Variants in NFYC observed in about 807,000 individuals in gnomAD.
NFYC encodes CAAT box DNA-binding protein subunit C.
A neutral mutation model predicts 53.1 loss-of-function variants in NFYC; 25 were observed. That is an observed-to-expected ratio of 0.47 (90% CI 0.34 to 0.66). The LOEUF is 0.66. Among genes scored for constraint, NFYC ranks in the 30% least tolerant of loss-of-function variants. The pLI is 0.01. For synonymous variants in NFYC, 145 were observed against 152.6 expected (o/e 0.95, Z 0.37); for missense variants, 260 against 422.7 (o/e 0.62, Z 3.38).
At chr1:40,742,305 G>T (rs1645393211) in intron 2 of NFYC, among the ~76,000 whole-genome samples, 1 of 151,810 alleles carries the variant, frequency 6.6e-6, no homozygotes, top group Non-Finnish European at 1.5e-5. Flanking sequence ...CATTTGGGTT[G>T]GTTTCACCTC....
In NFYC at chr1:40,756,704, G is replaced by C. The variant is rs113620251; in HGVS notation, c.388-1417G>C. Among the ~76,000 whole-genome samples, 10 of 152,294 alleles carry C rather than the reference G, an allele frequency of 6.6e-5. 1 individual carries two copies. Among genetic ancestry groups the C allele is most frequent in the African/African-American group, 2.4e-4 (10 of 41,564 alleles). ...TTTTTCTATTGGTAACAGCTGTTGG[G>C]TTTAAGAGAATTTGTCATATCAGCA... On this transcript the variant is annotated intron_variant, in intron 5 of 9. Coordinates refer to ENST00000447388, the MANE Select transcript of NFYC (RefSeq NM_014223.5).
chr1:40,758,854 C>T (rs1173185765), intron 6 of NFYC, among the ~76,000 whole-genome samples: 1 of 152,202 alleles, frequency 6.6e-6, no homozygotes, highest in Non-Finnish European at 1.5e-5. Flanking sequence ...CTGCAGAGAA[C>T]TCTGTACTAT....
chr1:40,746,303 A>G (rs1336103196), intron 2 of NFYC, among the ~76,000 whole-genome samples: 1 of 152,246 alleles, frequency 6.6e-6, no homozygotes, highest in East Asian at 1.9e-4. Context: ...TTGGGTTTGC[A>G]TGGAAAAATT....
rs370239270 is a variant in NFYC, at chr1:40,722,536, A to G, written c.-8-16300A>G. Among the ~76,000 whole-genome samples, 4 of 152,344 alleles carry G rather than the reference A, an allele frequency of 2.6e-5. No individual in the cohort carries two copies. The East Asian group carries it at 5.8e-4, about 22-fold the overall frequency. ...AGTTGGTCTTTAGGCTCGGTACTGT[A>G]TCTGGGACTCTTCAGACCAGTAGTT... On this transcript the variant is annotated intron_variant, in intron 1 of 9. Transcript: ENST00000447388.
chr1:40,737,813 G>A (rs1454403446), intron 1 of NFYC, among the ~76,000 whole-genome samples: 4 of 151,972 alleles, frequency 2.6e-5, no homozygotes, highest in African/African-American at 9.7e-5. Context: ...ATTTGTCTGA[G>A]ATTAGAAGGA....
intron 1 of NFYC, among the ~76,000 whole-genome samples, chr1:40,720,727 G>A (rs1398748213): frequency 1.3e-5 from 2 of 152,110 alleles, no homozygotes; most frequent in Non-Finnish European, 2.9e-5. Flanking sequence ...AATTAGCCAG[G>A]TATGGTGGCA....
At position 40,770,639 on chromosome 1, in the gene NFYC, C is replaced by T. The variant is rs201847603; in HGVS notation, c.889-70C>T. 74 of 1,614,108 alleles carry T rather than the reference C, an allele frequency of 4.6e-5. 1 individual carries two copies. The Admixed American group carries it at 9.0e-4, about 20-fold the overall frequency. On this transcript the variant is annotated intron_variant, in intron 9 of 9. Transcript: ENST00000447388. This position sits in a 1 kb window ranked among gnomAD's most constrained non-coding sequence, Gnocchi z 5.3. ...AGGTATCTGGGACCCCCAACCAGCTCGAGACCCATAGGGAGCTGCATGCCC... is the reference window on the plus strand; with the variant it reads ...AGGTATCTGGGACCCCCAACCAGCTTGAGACCCATAGGGAGCTGCATGCCC...
chr1:40,754,736 C>T (rs993862848), intron 5 of NFYC, among the ~76,000 whole-genome samples: 7 of 152,160 alleles, frequency 4.6e-5, no homozygotes. Context: ...GGGCTGCCTG[C>T]TGAATACACT....
intron 1 of NFYC, among the ~76,000 whole-genome samples, chr1:40,696,448 G>T (rs1038088941): frequency 4.6e-5 from 7 of 152,244 alleles, no homozygotes; most frequent in Admixed American, 4.6e-4. Flanking sequence ...GCGAACTTCA[G>T]TTCTTTCAGG....
At chr1:40,695,079 A>C (rs1643053001) in intron 1 of NFYC, among the ~76,000 whole-genome samples, 1 of 152,052 alleles carries the variant, frequency 6.6e-6, no homozygotes, top group African/African-American at 2.4e-5. Context: ...GATGAAACAA[A>C]ATTACAAAAA....
At chr1:40,712,845 AT>A (rs1010355579) in intron 1 of NFYC, 100 of 150,296 alleles carry the variant, frequency 6.7e-4, no homozygotes, top group African/African-American at 2.3e-3. Context: ...TGCCCAACTA[AT>A]TTTTTTTTAT....
At chr1:40,758,393 A>G in intron 6 of NFYC, 99 bp downstream of exon 6, 2 of 1,286,618 alleles carry the variant, frequency 1.6e-6, no homozygotes, top group Non-Finnish European at 2.1e-6. Context: ...CCAGATCATT[A>G]TAGAGCACTG....
At position 40,770,764 on chromosome 1, in the gene NFYC, C is replaced by A; in HGVS notation, c.944C>A (p.Pro315His). The A allele has an allele frequency of 6.2e-7, 1 of 1,613,618 alleles. No homozygotes were observed. Among genetic ancestry groups the A allele is most frequent in the Non-Finnish European group, 8.5e-7 (1 of 1,180,048 alleles). Reference protein sequence around the residue: ...TMPAGQDLAQPMFIQSANQPS... With the variant: ...TMPAGQDLAQHMFIQSANQPS... ...CCTGCGGGCCAGGACCTCGCCCAGC[C>A]CATGTTCATCCAGTCAGCCAACCAG... is the stretch of plus-strand genomic sequence containing the variant. The change falls in exon 10 of 10, where the codon CCC (proline) becomes CAC (histidine). Residue 315 changes from proline to histidine, a missense_variant. Transcript: ENST00000447388. The surrounding 1 kb of genome is among the most constrained non-coding windows in gnomAD (Gnocchi z 5.3).
At position 40,770,385 on chromosome 1, in the gene NFYC, T is replaced by C. The variant is rs1570773630; in HGVS notation, c.889-324T>C. 1 of 1,539,370 alleles carries C rather than the reference T, an allele frequency of 6.5e-7. No individual in the cohort carries two copies. Among genetic ancestry groups the C allele is most frequent in the Non-Finnish European group, 8.8e-7 (1 of 1,138,570 alleles). On this transcript the variant is annotated intron_variant, in intron 9 of 9. Coordinates refer to ENST00000447388, the MANE Select transcript of NFYC (RefSeq NM_014223.5). The surrounding 1 kb of genome is among the most constrained non-coding windows in gnomAD (Gnocchi z 5.3). ...CTGGTACAGTGGTTCGAATTGCTTGTGTTTGCCACAGAGGAACAGCGTGCA... is the reference window on the plus strand; with the variant it reads ...CTGGTACAGTGGTTCGAATTGCTTGCGTTTGCCACAGAGGAACAGCGTGCA...
chr1:40,702,099 C>A (rs1174071955), intron 1 of NFYC, among the ~76,000 whole-genome samples: 1 of 152,102 alleles, frequency 6.6e-6, no homozygotes, highest in South Asian at 2.1e-4. Flanking sequence ...AGAGCTGAAG[C>A]GAGTCTTTGC....
At chr1:40,696,138 C>T (rs577289098) in intron 1 of NFYC, among the ~76,000 whole-genome samples, 19 of 151,700 alleles carry the variant, frequency 1.3e-4, no homozygotes, top group African/African-American at 4.6e-4. Context: ...ATTCTCTTGC[C>T]TCAGCCTCCT....
intron 5 of NFYC, among the ~76,000 whole-genome samples, chr1:40,757,762 G>A (rs1646307147): frequency 6.6e-6 from 1 of 152,222 alleles, no homozygotes; most frequent in Admixed American, 6.5e-5. Context: ...CCCAACACTT[G>A]CAATTAGCAC....
intron 2 of NFYC, 69 bp from the exon 3 acceptor site, chr1:40,747,465 C>G (rs1645674609): frequency 9.4e-7 from 1 of 1,059,814 alleles, no homozygotes; most frequent in Non-Finnish European, 1.5e-6. Context: ...GTGTTTCCTA[C>G]TGCCTGTCAT....
chr1:40,709,322 T>C (rs1643864313), intron 1 of NFYC: 2 of 152,196 alleles, frequency 1.3e-5, no homozygotes, highest in East Asian at 1.9e-4. Flanking sequence ...CATGCTAGAT[T>C]GAATGCCTTT....
Sources: gnomAD v4.1 joint callset for allele counts (sites outside exome capture counted in the v4.1 genomes callset) on GRCh38, gnomAD v4.1.1 for gene constraint, Gnocchi (gnomAD v3.1) non-coding constraint, MANE v1.5 for transcripts, NCBI Gene and HGNC (gene_info 2026-07-23, HGNC 2026-07-21) for gene names.